PRMT2: variants seen among roughly 807,000 people sequenced by gnomAD.
PRMT2 encodes protein arginine N-methyltransferase 2.
A neutral mutation model predicts 57.6 loss-of-function variants in PRMT2; 26 were observed. That is an observed-to-expected ratio of 0.45 (90% CI 0.33 to 0.63). The LOEUF is 0.63. PRMT2 is among the 20% of genes least tolerant of loss of function. The probability of loss-of-function intolerance (pLI) is 0.02; values close to 1 mark genes in which losing one functional copy is unlikely to be tolerated. For missense variants in PRMT2, 472 were observed against 564.4 expected (o/e 0.84, Z 1.66); for synonymous variants, 219 against 220.0 (o/e 1.00, Z 0.04).
chr21:46,664,543 G>A lies in PRMT2; in HGVS notation c.*216G>A. 2 of 619,890 alleles carry A rather than the reference G, an allele frequency of 3.2e-6. No individual in the cohort carries two copies. Among genetic ancestry groups the A allele is most frequent in the Non-Finnish European group, 5.8e-6 (2 of 346,460 alleles). The allele number at this position is 619,890 out of a possible 1,614,324, so 38.4% of individuals were successfully genotyped here. ...CTGCCGTGGCCACCCCCGCTGCCCA[G>A]TGTCTGCCCTCTAGAAGTAGGCTGT... On this transcript the variant is annotated 3_prime_UTR_variant, in exon 12 of 12. Coordinates refer to ENST00000355680, the MANE Select transcript of PRMT2 (RefSeq NM_206962.4).
At chr21:46,650,830 G>T (rs1201152989) in intron 7 of PRMT2, among the ~76,000 whole-genome samples, 2 of 152,330 alleles carry the variant, frequency 1.3e-5, no homozygotes, top group African/African-American at 4.8e-5. Flanking sequence ...AGAGGGAGGG[G>T]AGAGGAGTAG....
intron 9 of PRMT2, chr21:46,661,503 A>G (rs2061620180): frequency 4.2e-6 from 1 of 239,690 alleles, no homozygotes; most frequent in African/African-American, 2.3e-5. Flanking sequence ...TCTGCTGTGG[A>G]AAGGCCCAGC....
chr21:46,662,765 T>G (rs1346496963), intron 10 of PRMT2, among the ~76,000 whole-genome samples: 1 of 152,114 alleles, frequency 6.6e-6, no homozygotes, highest in African/African-American at 2.4e-5. Flanking sequence ...CCTGAGGAAC[T>G]TAGAGATGTT....
intron 7 of PRMT2, chr21:46,656,891 G>GA (rs1311856128): frequency 6.6e-6 from 1 of 152,158 alleles, no homozygotes; most frequent in Non-Finnish European, 1.5e-5. Context: ...GACAAGCTAA[G>GA]ATTAGGAGAA....
intron 2 of PRMT2, 97 bp from the exon 3 acceptor site, chr21:46,636,799 A>G (rs2061179564): frequency 3.1e-6 from 2 of 652,544 alleles, no homozygotes; most frequent in Non-Finnish European, 5.1e-6. Context: ...TTTTACTTCT[A>G]TTTGGTAGAG....
At chr21:46,640,254 A>G (rs1025756331) in intron 3 of PRMT2, among the ~76,000 whole-genome samples, 3 of 152,104 alleles carry the variant, frequency 2.0e-5, no homozygotes, top group African/African-American at 7.2e-5. Context: ...GTCTTTTTTT[A>G]TGAAGTAAAA....
chr21:46,651,529 G>A (rs1008560069), intron 7 of PRMT2, among the ~76,000 whole-genome samples: 1 of 152,118 alleles, frequency 6.6e-6, no homozygotes, highest in African/African-American at 2.4e-5. Flanking sequence ...ACAGGACCAT[G>A]TGGTGGTTTT....
At position 46,636,999 on chromosome 21, in the gene PRMT2, C is replaced by T. The variant is rs377754295; in HGVS notation, c.39+9C>T. ...CCAGAAGTGAATCGCAGGTAATTTCCGTTCCACTTCCTAAAAATCTGTGTT... is the reference window on the plus strand; with the variant it reads ...CCAGAAGTGAATCGCAGGTAATTTCTGTTCCACTTCCTAAAAATCTGTGTT... On this transcript the variant is annotated intron_variant, in intron 3 of 11. Transcript: ENST00000355680. The T allele has an allele frequency of 4.0e-5, 65 of 1,613,276 alleles. No individual in the cohort carries two copies. The highest frequency in any genetic ancestry group is 1.3e-5 in the African/African-American group (1 of 74,868).
intron 7 of PRMT2, 45 bp from the exon 8 acceptor site, chr21:46,658,700 C>T (rs373746900): frequency 1.6e-5 from 25 of 1,599,776 alleles, no homozygotes; most frequent in Admixed American, 6.7e-5. Flanking sequence ...TGTGCAGCCG[C>T]GGGGCCTGTG....
intron 8 of PRMT2, 141 bp from the exon 9 acceptor site, chr21:46,660,692 C>G: frequency 9.1e-7 from 1 of 1,103,396 alleles, no homozygotes; most frequent in Non-Finnish European, 1.3e-6. Context: ...GAGGGCTGCT[C>G]TGGGGTTCCA....
At chr21:46,642,763 C>T (rs985176123) in intron 3 of PRMT2, among the ~76,000 whole-genome samples, 6 of 152,174 alleles carry the variant, frequency 3.9e-5, no homozygotes, top group Admixed American at 1.3e-4. Flanking sequence ...TGGCTCATGC[C>T]TGTAGTCCTA....
rs143870543 is a variant in PRMT2 at position 46,658,405 on chromosome 21, A to C, written c.655-340A>C. ...TTTTATGTAACAGTTGGGACCCGGC[A>C]ACACTTCAGGGCTCTTTCAAAATCT... On this transcript the variant is annotated intron_variant, in intron 7 of 11. Coordinates refer to ENST00000355680, the MANE Select transcript of PRMT2 (RefSeq NM_206962.4). 3.8e-4 allele frequency: 80 copies of C among 212,922 alleles called. 1 individual carries two copies. In the East Asian group the frequency reaches 8.4e-3, roughly 22 times the overall value. The allele number at this position is 212,922 out of a possible 1,614,324, so 13.2% of individuals were successfully genotyped here. A position where few individuals can be genotyped will look rare whatever the true frequency, so the allele number is the denominator to read the frequency against.
At chr21:46,653,551 A>G in intron 7 of PRMT2, 1 of 1,035,716 alleles carries the variant, frequency 9.7e-7, no homozygotes, top group Non-Finnish European at 1.2e-6. Flanking sequence ...CAGAGGCCAC[A>G]ACCAAGGCCG....
intron 2 of PRMT2, 125 bp downstream of exon 2, chr21:46,636,672 A>G: frequency 2.3e-6 from 1 of 438,622 alleles, no homozygotes; most frequent in Non-Finnish European, 4.1e-6. Flanking sequence ...GAACAAGATT[A>G]ACACCTTGCA....
intron 3 of PRMT2, among the ~76,000 whole-genome samples, chr21:46,641,691 TAAAA>T (rs555283999): frequency 1.4e-5 from 2 of 147,356 alleles, no homozygotes; most frequent in Admixed American, 6.8e-5. Flanking sequence ...GACTCCATCC[TAAAA>T]AAAAAGCCAA....
chr21:46,641,058 A>T lies in PRMT2; in HGVS notation c.40-2477A>T, dbSNP rs1032753779. On this transcript the variant is annotated intron_variant, in intron 3 of 11. Transcript: ENST00000355680. ...AGGATTGCTTTAGCTTGGGAGGTGG[A>T]GGTTGCCATGAGCCAGGATCATGCC... Among the ~76,000 whole-genome samples the T allele has an allele frequency of 4.3e-5, 6 of 139,380 alleles. No individual in the cohort carries two copies. In the Admixed American group the frequency reaches 4.7e-4, roughly 11 times the overall value. The allele number at this position is 139,380 out of a possible 152,430, so 91.4% of individuals were successfully genotyped here. A position where few individuals can be genotyped will look rare whatever the true frequency, so the allele number is the denominator to read the frequency against.
Position 46,649,376 on chromosome 21 carries a change from T to G in PRMT2, c.490-199T>G. The G allele has an allele frequency of 1.3e-6, 1 of 755,922 alleles. No homozygotes were observed. Among genetic ancestry groups the G allele is most frequent in the Non-Finnish European group, 2.3e-6 (1 of 443,498 alleles). 46.8% of individuals were successfully genotyped at this position (755,922 alleles called of 1,614,324 possible). A position where few individuals can be genotyped will look rare whatever the true frequency, so the allele number is the denominator to read the frequency against. The stretch of plus-strand genomic sequence containing the variant: ...GTCTTGTCCGGGAGGTGGGGGCAGT[T>G]GGGAGGGTTAGAGGCGGCTCCTTTC... On this transcript the variant is annotated intron_variant, in intron 6 of 11. Transcript: ENST00000355680. This position sits in a 1 kb window ranked among gnomAD's most constrained non-coding sequence, Gnocchi z 4.8.
intron 11 of PRMT2, 24 bp from the exon 12 acceptor site, chr21:46,664,271 C>G: frequency 6.5e-7 from 1 of 1,549,414 alleles, no homozygotes; most frequent in Non-Finnish European, 8.9e-7. Flanking sequence ...ATCTGATTGA[C>G]CTGTTGTCAT....
In PRMT2 at chr21:46,663,317, G is replaced by A. The variant is rs947609946; in HGVS notation, c.1098-66G>A. Reference sequence around the variant, plus strand: ...AGAGCCAGTGCGAGCCTGAGTCAGCGCCCCGAGGGCCATGTGGAGACTGCC... The same window carrying A: ...AGAGCCAGTGCGAGCCTGAGTCAGCACCCCGAGGGCCATGTGGAGACTGCC... On this transcript the variant is annotated intron_variant, in intron 10 of 11. Coordinates refer to ENST00000355680, the MANE Select transcript of PRMT2 (RefSeq NM_206962.4). 6.4e-5 allele frequency: 97 copies of A among 1,504,352 alleles called. 1 individual carries two copies. The highest frequency in any genetic ancestry group is 1.4e-4 in the African/African-American group (10 of 72,726). The allele number at this position is 1,504,352 out of a possible 1,614,324, so 93.2% of individuals were successfully genotyped here.
Sources: gnomAD v4.1 joint callset for allele counts (sites outside exome capture counted in the v4.1 genomes callset) on GRCh38, gnomAD v4.1.1 for gene constraint, Gnocchi (gnomAD v3.1) non-coding constraint, MANE v1.5 for transcripts, NCBI Gene and HGNC (gene_info 2026-07-23, HGNC 2026-07-21) for gene names.